Variants in TMEM163 observed in about 807,000 individuals in gnomAD.
TMEM163 encodes transmembrane protein 163.
Under a neutral mutation model 29.3 loss-of-function variants are expected in TMEM163, and 17 were observed. That is an observed-to-expected ratio of 0.58 (90% CI 0.40 to 0.87). The LOEUF is 0.87. TMEM163 is among the 40% of genes least tolerant of loss of function. The pLI, the probability that TMEM163 is intolerant of heterozygous loss-of-function variation, is 0.00. For missense variants in TMEM163, 303 were observed against 381.5 expected (o/e 0.79, Z 1.71); for synonymous variants, 157 against 160.6 (o/e 0.98, Z 0.17).
At position 134,533,054 on chromosome 2, in the gene TMEM163, C is replaced by T. The variant is rs138606429; in HGVS notation, c.458+17516G>A. The stretch of plus-strand genomic sequence containing the variant: ...TGTTTCTTATTAAAGAAAAAAGTAC[C>T]CCACATCTCAAGCACAGGGCCTAAA... On this transcript the variant is annotated intron_variant, in intron 4 of 7. Coordinates refer to ENST00000281924, the MANE Select transcript of TMEM163 (RefSeq NM_030923.5). Among the ~76,000 whole-genome samples, 876 of 152,170 alleles carry T rather than the reference C, an allele frequency of 5.8e-3. 3 individuals are homozygous for T. The highest frequency in any genetic ancestry group is 9.6e-3 in the Admixed American group (147 of 15,276).
At chr2:134,508,315 G>A (rs1046163420) in intron 4 of TMEM163, among the ~76,000 whole-genome samples, 5 of 152,216 alleles carry the variant, frequency 3.3e-5, no homozygotes, top group African/African-American at 1.2e-4. Flanking sequence ...AGTTTAACGT[G>A]TAATTGTTTT....
chr2:134,714,792 T>A (rs931743267), intron 1 of TMEM163, among the ~76,000 whole-genome samples: 2 of 152,148 alleles, frequency 1.3e-5, no homozygotes, highest in Non-Finnish European at 2.9e-5. Flanking sequence ...AGGGAAAAAA[T>A]AAATACCTTC....
chr2:134,650,579 T>G (rs1391922863), intron 2 of TMEM163, among the ~76,000 whole-genome samples: 2 of 143,726 alleles, frequency 1.4e-5, no homozygotes, highest in Non-Finnish European at 3.0e-5. Context: ...AGGGTACATG[T>G]GCACATTGTG....
chr2:134,622,747 T>G (rs987118427), intron 2 of TMEM163, among the ~76,000 whole-genome samples: 11 of 152,108 alleles, frequency 7.2e-5, no homozygotes, highest in Non-Finnish European at 1.3e-4. Context: ...TAGCTAATAT[T>G]AAATAAAATC....
intron 1 of TMEM163, among the ~76,000 whole-genome samples, chr2:134,715,928 A>T (rs1158363308): frequency 6.6e-6 from 1 of 152,242 alleles, no homozygotes; most frequent in Non-Finnish European, 1.5e-5. Flanking sequence ...AATACTAAGC[A>T]TAGTACTAAT....
intron 2 of TMEM163, among the ~76,000 whole-genome samples, chr2:134,621,816 G>A (rs1051524190): frequency 1.2e-4 from 18 of 152,068 alleles, no homozygotes; most frequent in Admixed American, 5.9e-4. Context: ...GTGTGAACCC[G>A]GGAGGTGGAG....
intron 6 of TMEM163, among the ~76,000 whole-genome samples, chr2:134,464,074 T>C (rs1367792857): frequency 6.6e-6 from 1 of 152,194 alleles, no homozygotes; most frequent in African/African-American, 2.4e-5. Context: ...GCTTTTACCA[T>C]CTAAGTAGGT....
chr2:134,689,952 G>A (rs1684426992), intron 2 of TMEM163, among the ~76,000 whole-genome samples: 1 of 151,984 alleles, frequency 6.6e-6, no homozygotes, highest in African/African-American at 2.4e-5. Context: ...GTTTTTGGAG[G>A]CAGAGTCTCA....
chr2:134,481,543 A>G (rs1422444235), intron 5 of TMEM163, among the ~76,000 whole-genome samples: 1 of 152,194 alleles, frequency 6.6e-6, no homozygotes, highest in African/African-American at 2.4e-5. Flanking sequence ...CCCCAGCCAC[A>G]TGGAACTGTG....
chr2:134,666,278 G>A (rs980488312), intron 2 of TMEM163, among the ~76,000 whole-genome samples: 2 of 128,038 alleles, frequency 1.6e-5, no homozygotes, highest in Non-Finnish European at 3.2e-5. Context: ...CCCCCAAATT[G>A]CACTACAGAA....
intron 2 of TMEM163, among the ~76,000 whole-genome samples, chr2:134,574,475 G>T (rs150051410): frequency 6.6e-6 from 1 of 152,054 alleles, no homozygotes; most frequent in Admixed American, 6.5e-5. Flanking sequence ...CAGGAGAATC[G>T]CTTGAGCCCA....
At chr2:134,635,419 C>G (rs1434573999) in intron 2 of TMEM163, among the ~76,000 whole-genome samples, 1 of 152,172 alleles carries the variant, frequency 6.6e-6, no homozygotes, top group Non-Finnish European at 1.5e-5. Flanking sequence ...TCATCCTTCT[C>G]TATCCCTCTT....
intron 2 of TMEM163, among the ~76,000 whole-genome samples, chr2:134,570,460 CTACATATATATATACATA>C (rs1311512010): frequency 3.0e-5 from 4 of 135,408 alleles, no homozygotes; most frequent in Non-Finnish European, 4.7e-5. Context: ...GGGGGTACTA[CTACATATATATATACATA>C]TACATATACA....
At chr2:134,565,271 A>G (rs1416347119) in intron 2 of TMEM163, among the ~76,000 whole-genome samples, 2 of 151,916 alleles carry the variant, frequency 1.3e-5, no homozygotes, top group Admixed American at 6.6e-5. Flanking sequence ...ATCTTACTCC[A>G]TGACCCAGCT....
intron 2 of TMEM163, among the ~76,000 whole-genome samples, chr2:134,589,017 G>A (rs1681882080): frequency 6.6e-6 from 1 of 152,150 alleles, no homozygotes; most frequent in Non-Finnish European, 1.5e-5. Flanking sequence ...GTCCAGCAAT[G>A]CCAAAGATAA....
intron 2 of TMEM163, among the ~76,000 whole-genome samples, chr2:134,666,901 C>T (rs1224318497): frequency 3.3e-5 from 5 of 152,186 alleles, no homozygotes; most frequent in Non-Finnish European, 7.3e-5. Flanking sequence ...GAGTGCTCCC[C>T]TTCAGAGACA....
intron 4 of TMEM163, among the ~76,000 whole-genome samples, chr2:134,542,530 T>TG (rs1161852900): frequency 6.6e-6 from 1 of 152,186 alleles, no homozygotes; most frequent in Non-Finnish European, 1.5e-5. Context: ...GTCACTCGCA[T>TG]TACCGCCTGG....
At chr2:134,575,015 C>T (rs1231226916) in intron 2 of TMEM163, among the ~76,000 whole-genome samples, 1 of 144,340 alleles carries the variant, frequency 6.9e-6, no homozygotes, top group Non-Finnish European at 1.5e-5. Context: ...ATTTGCCAAG[C>T]AAGGCCAGCC....
chr2:134,471,449 C>T (rs1195671040), intron 5 of TMEM163, among the ~76,000 whole-genome samples: 4 of 152,146 alleles, frequency 2.6e-5, no homozygotes, highest in African/African-American at 9.7e-5. Context: ...CCATCTGTAA[C>T]CCAAGGAAGG....
Sources: gnomAD v4.1 joint callset for allele counts (sites outside exome capture counted in the v4.1 genomes callset) on GRCh38, gnomAD v4.1.1 for gene constraint, MANE v1.5 for transcripts, NCBI Gene and HGNC (gene_info 2026-07-23, HGNC 2026-07-21) for gene names.